Variants in NFE2L3 observed in about 807,000 individuals in gnomAD.
The protein encoded by NFE2L3 is nuclear factor erythroid 2-related factor 3.
Under a neutral mutation model 23.5 loss-of-function variants are expected in NFE2L3, and 18 were observed. That is an observed-to-expected ratio of 0.77 (90% CI 0.53 to 1.13). The LOEUF (loss-of-function observed/expected upper bound fraction) is 1.13, where lower values mean the gene tolerates loss of function less well. NFE2L3 is among the 50% of genes most tolerant of loss of function. The pLI is 0.00. For synonymous variants in NFE2L3, 424 were observed against 354.5 expected, an observed-to-expected ratio of 1.20 and a Z score of -2.20; for missense variants, 1,152 against 877.2, an observed-to-expected ratio of 1.31 and a Z score of -3.96.
intron 1 of NFE2L3, among the ~76,000 whole-genome samples, chr7:26,164,106 A>G (rs1583928636): frequency 6.6e-6 from 1 of 152,346 alleles, no homozygotes; most frequent in African/African-American, 2.4e-5. Flanking sequence ...GAATAGTGCC[A>G]CAATAAACAT....
rs1484804724 is a variant in NFE2L3, at chr7:26,185,266, TAAG to T, written c.1569_1571del (p.Ile523_Arg524delinsMet). ...CCGTGGCCTGGGAAGTCACAGAAGA[TAAG>T]GAGTAGATACCTTGAAGACACAGAT... On this transcript the variant is annotated inframe_deletion, in exon 4 of 4. Transcript: ENST00000056233. The T allele has an allele frequency of 6.8e-6, 11 of 1,614,070 alleles. No individual in the cohort carries two copies. Among genetic ancestry groups the T allele is most frequent in the South Asian group, 2.2e-5 (2 of 91,074 alleles).
chr7:26,185,830 AAAC>A lies in NFE2L3; in HGVS notation c.*48_*50del. ...TATTATGTGAAGTAGTAATGTTCAGAAACTGATTATTTGGATCAGAAACCATTG... is the reference window on the plus strand; with the variant it reads ...TATTATGTGAAGTAGTAATGTTCAGATGATTATTTGGATCAGAAACCATTG... On this transcript the variant is annotated 3_prime_UTR_variant, in exon 4 of 4. Coordinates refer to ENST00000056233, the MANE Select transcript of NFE2L3 (RefSeq NM_004289.7). The A allele has an allele frequency of 6.9e-7, 1 of 1,441,036 alleles. No homozygotes were observed. The highest frequency in any genetic ancestry group is 2.4e-5 in the East Asian group (1 of 42,274). 89.3% of individuals were successfully genotyped at this position (1,441,036 alleles called of 1,614,324 possible).
At position 26,153,081 on chromosome 7, in the gene NFE2L3, C is replaced by G; in HGVS notation, c.570+13C>G. On this transcript the variant is annotated intron_variant, in intron 1 of 3. Coordinates refer to ENST00000056233, the MANE Select transcript of NFE2L3 (RefSeq NM_004289.7). Reference sequence around the variant, plus strand: ...ATGTGCGAGCGAGGTAGGTGCAGAGCGGGAAGCGAGCGAAGTGCGGCGTCT... The same window carrying G: ...ATGTGCGAGCGAGGTAGGTGCAGAGGGGGAAGCGAGCGAAGTGCGGCGTCT... 1 of 1,518,380 alleles carries G rather than the reference C, an allele frequency of 6.6e-7. No individual in the cohort carries two copies. Among genetic ancestry groups the G allele is most frequent in the Non-Finnish European group, 8.8e-7 (1 of 1,137,732 alleles). 94.1% of individuals were successfully genotyped at this position (1,518,380 alleles called of 1,614,324 possible).
chr7:26,171,192 T>C (rs1271104132), intron 1 of NFE2L3, among the ~76,000 whole-genome samples: 1 of 152,180 alleles, frequency 6.6e-6, no homozygotes, highest in Non-Finnish European at 1.5e-5. Flanking sequence ...CAAAGAAGTA[T>C]GGATGAGGAG....
At chr7:26,179,824 G>A (rs1562676944) in intron 2 of NFE2L3, among the ~76,000 whole-genome samples, 2 of 152,178 alleles carry the variant, frequency 1.3e-5, no homozygotes, top group African/African-American at 2.4e-5. Flanking sequence ...TAAGAACATA[G>A]GAAATTGTTT....
intron 1 of NFE2L3, among the ~76,000 whole-genome samples, chr7:26,170,656 A>C (rs1784318675): frequency 6.6e-6 from 1 of 152,224 alleles, no homozygotes; most frequent in Admixed American, 6.5e-5. Context: ...GACAGAATTC[A>C]AGGGGATTTC....
intron 1 of NFE2L3, among the ~76,000 whole-genome samples, chr7:26,154,320 C>G (rs2128096854): frequency 6.6e-6 from 1 of 152,292 alleles, no homozygotes; most frequent in South Asian, 2.1e-4. Context: ...ATGCTCTGCC[C>G]TCTAATAAGT....
intron 1 of NFE2L3, among the ~76,000 whole-genome samples, chr7:26,161,590 C>G (rs115342021): frequency 6.6e-6 from 1 of 151,914 alleles, no homozygotes; most frequent in Non-Finnish European, 1.5e-5. Flanking sequence ...CCTCAGTGTC[C>G]GGCAATACCT....
At chr7:26,164,833 T>C (rs1259882775) in intron 1 of NFE2L3, among the ~76,000 whole-genome samples, 1 of 152,240 alleles carries the variant, frequency 6.6e-6, no homozygotes, top group Admixed American at 6.5e-5. Flanking sequence ...TTAATTTTTG[T>C]ATAAGGTGTA....
chr7:26,155,564 C>T (rs534010789), intron 1 of NFE2L3, among the ~76,000 whole-genome samples: 484 of 152,286 alleles, frequency 3.2e-3, no homozygotes, highest in Non-Finnish European at 4.9e-3. Flanking sequence ...CAGACTGGCA[C>T]ATTAATTAAG....
intron 1 of NFE2L3, among the ~76,000 whole-genome samples, chr7:26,153,412 C>A (rs1464767393): frequency 6.6e-6 from 1 of 152,122 alleles, no homozygotes; most frequent in Non-Finnish European, 1.5e-5. Context: ...ACTGGGGTGT[C>A]GTTCTCTGGG....
intron 1 of NFE2L3, among the ~76,000 whole-genome samples, chr7:26,169,835 C>A (rs2237332): frequency 6.6e-6 from 1 of 152,104 alleles, no homozygotes; most frequent in African/African-American, 2.4e-5. Flanking sequence ...CGGTGGCTCA[C>A]GCCTGTAATC....
intron 1 of NFE2L3, 106 bp downstream of exon 1, chr7:26,153,174 C>T: frequency 1.7e-6 from 2 of 1,145,226 alleles, no homozygotes; most frequent in Non-Finnish European, 2.3e-6. Context: ...TGTCCTGGCA[C>T]CCTTAGCCCC....
rs1782460756 is a variant in NFE2L3 at position 26,185,510 on chromosome 7, GAATTTAGAAGA to G, written c.1813_1823del (p.Asn605Ter). On this transcript the variant is annotated frameshift_variant, in exon 4 of 4. Coordinates refer to ENST00000056233, the MANE Select transcript of NFE2L3 (RefSeq NM_004289.7). LOFTEE classifies it low-confidence loss of function (END_TRUNC). Reference sequence around the variant, plus strand: ...GTAAACGCAAATTGGACATAATTTTGAATTTAGAAGATGATGTATGTAACTTGCAAGCAAAG... The same window carrying G: ...GTAAACGCAAATTGGACATAATTTTGTGATGTATGTAACTTGCAAGCAAAG... The G allele has an allele frequency of 6.2e-7, 1 of 1,613,828 alleles. No individual in the cohort carries two copies. Among genetic ancestry groups the G allele is most frequent in the Non-Finnish European group, 8.5e-7 (1 of 1,179,854 alleles).
At chr7:26,157,879 A>G (rs1784107294) in intron 1 of NFE2L3, among the ~76,000 whole-genome samples, 1 of 152,138 alleles carries the variant, frequency 6.6e-6, no homozygotes, top group Non-Finnish European at 1.5e-5. Context: ...TGTGAGGGAG[A>G]AAGTGTTCTA....
In NFE2L3 at chr7:26,152,434, C is replaced by T. The variant is rs1784010256; in HGVS notation, c.-65C>T. 2 of 1,141,676 alleles carry T rather than the reference C, an allele frequency of 1.8e-6. No individual in the cohort carries two copies. Among genetic ancestry groups the T allele is most frequent in the African/African-American group, 1.6e-5 (1 of 61,416 alleles). The allele number at this position is 1,141,676 out of a possible 1,614,324, so 70.7% of individuals were successfully genotyped here. ...CGGCGCGCGGGGTCCGCACGTGTCACCCCGGCGGCTGGGGCGCCGGGACCC... is the reference window on the plus strand; with the variant it reads ...CGGCGCGCGGGGTCCGCACGTGTCATCCCGGCGGCTGGGGCGCCGGGACCC... On this transcript the variant is annotated 5_prime_UTR_variant, in exon 1 of 4. Transcript: ENST00000056233. The surrounding 1 kb of genome is among the most constrained non-coding windows in gnomAD (Gnocchi z 4.4).
At position 26,183,739 on chromosome 7, in the gene NFE2L3, A is replaced by G. The variant is rs781210334; in HGVS notation, c.789A>G (p.Glu263=). 2 of 1,612,922 alleles carry G rather than the reference A, an allele frequency of 1.2e-6. No individual in the cohort carries two copies. The highest frequency in any genetic ancestry group is 1.1e-5 in the South Asian group (1 of 91,072). ...LNGTDTSFSL[E]DLFQLLSSQP... ...GGACAGATACTTCTTTCTCTCTGGA[A>G]GACTTATTCCAGTTGCTTTCATCAC... is the stretch of plus-strand genomic sequence containing the variant. Residue 263 remains glutamate, a synonymous_variant, in exon 3 of 4, where the codon GAA becomes GAG. Coordinates refer to ENST00000056233, the MANE Select transcript of NFE2L3 (RefSeq NM_004289.7).
chr7:26,174,801 G>A (rs1259172660), intron 1 of NFE2L3: 1 of 152,150 alleles, frequency 6.6e-6, no homozygotes, highest in African/African-American at 2.4e-5. Context: ...AACAGAAAGA[G>A]TGAAAAAGTT....
At chr7:26,172,101 A>C (rs965748890) in intron 1 of NFE2L3, among the ~76,000 whole-genome samples, 1 of 152,246 alleles carries the variant, frequency 6.6e-6, no homozygotes, top group African/African-American at 2.4e-5. Context: ...AAAATGAAAT[A>C]AGAAATTTAA....
Sources: gnomAD v4.1 joint callset for allele counts (sites outside exome capture counted in the v4.1 genomes callset) on GRCh38, gnomAD v4.1.1 for gene constraint, Gnocchi (gnomAD v3.1) non-coding constraint, MANE v1.5 for transcripts, NCBI Gene and HGNC (gene_info 2026-07-23, HGNC 2026-07-21) for gene names.